The following TOX3 variants were observed in gnomAD, a reference collection of about 807,000 sequenced individuals.
TOX3 encodes the protein CAG trinucleotide repeat-containing gene F9 protein.
Under a neutral mutation model 64.3 loss-of-function variants are expected in TOX3, and 22 were observed. The observed-to-expected ratio is 0.34, with a 90% CI of 0.24 to 0.49. TOX3 has a LOEUF of 0.49. TOX3 is among the 20% of genes least tolerant of loss of function. TOX3 has a pLI of 0.99. For missense variants in TOX3, 661 were observed against 714.4 expected (o/e 0.93, Z 0.85); for synonymous variants, 291 against 273.6 (o/e 1.06, Z -0.63).
At chr16:52,532,776 G>A (rs561923816) in intron 1 of TOX3, among the ~76,000 whole-genome samples, 6 of 152,236 alleles carry the variant, frequency 3.9e-5, no homozygotes, top group Admixed American at 1.3e-4. Context: ...GAAAGCTGTA[G>A]ACAAGACAAC....
At chr16:52,529,832 T>C (rs952206229) in intron 1 of TOX3, among the ~76,000 whole-genome samples, 1 of 152,164 alleles carries the variant, frequency 6.6e-6, no homozygotes, top group African/African-American at 2.4e-5. Context: ...ACATTGTAAA[T>C]AGAACTTTTT....
At position 52,547,035 on chromosome 16, in the gene TOX3, G is replaced by A. The variant is rs1461523808; in HGVS notation, c.-312C>T. ...GCGCGGCGCTGGGGCCCGGGTCGGC[G>A]AGGCGAGTTCAGGTGCGCTGGGCGA... On this transcript the variant is annotated 5_prime_UTR_variant, in exon 1 of 7. Coordinates refer to ENST00000219746, the MANE Select transcript of TOX3 (RefSeq NM_001080430.4). 10 of 825,792 alleles carry A rather than the reference G, an allele frequency of 1.2e-5. No homozygotes were observed. The highest frequency in any genetic ancestry group is 1.5e-5 in the Non-Finnish European group (10 of 686,528). The allele number at this position is 825,792 out of a possible 1,614,324, so 51.2% of individuals were successfully genotyped here.
chr16:52,524,706 C>T (rs1263747874), intron 1 of TOX3, among the ~76,000 whole-genome samples: 1 of 152,160 alleles, frequency 6.6e-6, no homozygotes, highest in African/African-American at 2.4e-5. Flanking sequence ...GAAATCGCAG[C>T]ATGGCCCTTG....
intron 1 of TOX3, among the ~76,000 whole-genome samples, chr16:52,469,509 C>CT (rs1339752281): frequency 2.0e-5 from 3 of 152,056 alleles, no homozygotes; most frequent in African/African-American, 7.2e-5. Context: ...AAAGAATGTC[C>CT]TTTTTATAAA....
chr16:52,537,450 A>G (rs1962977160), intron 1 of TOX3, among the ~76,000 whole-genome samples: 1 of 152,332 alleles, frequency 6.6e-6, no homozygotes, highest in South Asian at 2.1e-4. Context: ...TTACATAAGC[A>G]CAGGCTCATT....
intron 1 of TOX3, among the ~76,000 whole-genome samples, chr16:52,499,900 G>A (rs878976675): frequency 6.6e-6 from 1 of 152,208 alleles, no homozygotes; most frequent in Admixed American, 6.5e-5. Context: ...TTCTGAGAGT[G>A]TACAATCTGA....
intron 1 of TOX3, among the ~76,000 whole-genome samples, chr16:52,511,735 A>G (rs1299333072): frequency 6.6e-6 from 1 of 152,262 alleles, no homozygotes; most frequent in Middle Eastern, 3.2e-3. Context: ...AAGTAGGAAT[A>G]TACCATGAAA....
intron 1 of TOX3, among the ~76,000 whole-genome samples, chr16:52,546,120 C>T (rs936713027): frequency 2.0e-5 from 3 of 152,046 alleles, no homozygotes. Context: ...CACTTCCCCC[C>T]ACTCCCCTGT....
intron 1 of TOX3, among the ~76,000 whole-genome samples, chr16:52,528,127 A>G (rs1250268409): frequency 6.6e-6 from 1 of 152,210 alleles, no homozygotes; most frequent in Non-Finnish European, 1.5e-5. Context: ...CTGAAGTAGG[A>G]TTCTTCTCCC....
rs1288995794 is a variant in TOX3, at chr16:52,439,405, C to T, written c.1551G>A (p.Gln517=). ...QQQLQQRLQL[Q]QLQHMQHQSQ... ...ACTGGTGCTGCATGTGTTGCAGCTG[C>T]TGCAGCTGGAGGCGCTGCTGCAGCT... Residue 517 remains glutamine, a synonymous_variant, in exon 7 of 7, where the codon CAG becomes CAA. Coordinates refer to ENST00000219746, the MANE Select transcript of TOX3 (RefSeq NM_001080430.4). 2 of 1,584,948 alleles carry T rather than the reference C, an allele frequency of 1.3e-6. No homozygotes were observed. Among genetic ancestry groups the T allele is most frequent in the Admixed American group, 3.7e-5 (2 of 54,050 alleles).
intron 1 of TOX3, among the ~76,000 whole-genome samples, chr16:52,519,976 CAAAA>C (rs61541718): frequency 0.61 from 77,462 of 127,678 alleles, 21,188 homozygotes; most frequent in East Asian, 0.74. Flanking sequence ...GTCTCAAAAA[CAAAA>C]AAAAAAAAAA....
chr16:52,513,194 A>T (rs992904114), intron 1 of TOX3, among the ~76,000 whole-genome samples: 11 of 152,244 alleles, frequency 7.2e-5, no homozygotes, highest in African/African-American at 2.4e-5. Flanking sequence ...GCTGTAGAAA[A>T]GGCAACTGGT....
At chr16:52,509,418 A>T (rs4517793) in intron 1 of TOX3, among the ~76,000 whole-genome samples, 2 of 152,226 alleles carry the variant, frequency 1.3e-5, no homozygotes, top group African/African-American at 4.8e-5. Flanking sequence ...AATAACTTGT[A>T]CTTCATGTTA....
intron 1 of TOX3, among the ~76,000 whole-genome samples, chr16:52,499,500 G>A (rs544316208): frequency 6.6e-6 from 1 of 152,300 alleles, no homozygotes; most frequent in African/African-American, 2.4e-5. Context: ...AAAGTATGAA[G>A]AATCTATCAC....
intron 6 of TOX3, among the ~76,000 whole-genome samples, 186 bp from the exon 7 acceptor site, chr16:52,440,154 C>T (rs1959920104): frequency 6.6e-6 from 1 of 152,102 alleles, no homozygotes; most frequent in Non-Finnish European, 1.5e-5. Context: ...CCCCTACCTC[C>T]TTGAGTCTGG....
chr16:52,545,260 C>G (rs1963150243), intron 1 of TOX3, among the ~76,000 whole-genome samples: 1 of 152,202 alleles, frequency 6.6e-6, no homozygotes, highest in Admixed American at 6.5e-5. Flanking sequence ...ACGCTCCAAC[C>G]ACCAAAGGGT....
chr16:52,481,388 T>A (rs1473055159), intron 1 of TOX3, among the ~76,000 whole-genome samples: 4 of 152,184 alleles, frequency 2.6e-5, no homozygotes, highest in Non-Finnish European at 4.4e-5. Flanking sequence ...AGGCTAACAT[T>A]TTTAAAAGAT....
chr16:52,492,568 T>A (rs1028082628), intron 1 of TOX3, among the ~76,000 whole-genome samples: 5 of 119,992 alleles, frequency 4.2e-5, no homozygotes, highest in Non-Finnish European at 8.1e-5. Flanking sequence ...TATATAAATA[T>A]ATATATATAT....
chr16:52,456,307 G>A (rs1004994133), intron 3 of TOX3, among the ~76,000 whole-genome samples: 22 of 152,188 alleles, frequency 1.4e-4, no homozygotes, highest in African/African-American at 5.1e-4. Context: ...AAATATAAAT[G>A]TATAGCCTGC....
Sources: allele counts gnomAD v4.1 joint callset (sites outside exome capture counted in the v4.1 genomes callset), GRCh38; gene constraint gnomAD v4.1.1; transcripts MANE v1.5; gene names NCBI Gene and HGNC (gene_info 2026-07-23, HGNC 2026-07-21).